PRKCH: variants seen among roughly 807,000 people sequenced by gnomAD.
PRKCH encodes the protein protein kinase C eta type.
Under a neutral mutation model 82.5 loss-of-function variants are expected in PRKCH, and 28 were observed. That is an observed-to-expected ratio of 0.34 (90% CI 0.25 to 0.47). The LOEUF (loss-of-function observed/expected upper bound fraction) is 0.47. Ranked by LOEUF, PRKCH falls within the 20% of genes least tolerant of loss-of-function variation. The pLI, the probability that PRKCH is intolerant of heterozygous loss-of-function variation, is 1.00. For missense variants in PRKCH, 705 were observed against 881.8 expected, an observed-to-expected ratio of 0.80 and a Z score of 2.54; for synonymous variants, 322 against 327.4, an observed-to-expected ratio of 0.98 and a Z score of 0.18.
chr14:61,210,754 TTCTCTCTCTCTCTCTCTC>T lies in PRKCH; in HGVS notation c.-19+23106_-19+23123del, dbSNP rs57385240. On this transcript the variant is annotated intron_variant, in intron 1 of 3. Transcript: ENST00000555185. ...TCACATTAAATAGGCCAAGAGTCCT[TTCTCTCTCTCTCTCTCTC>T]TCTCTCTCTCTCTCTCTCTGTGTGT... Among the ~76,000 whole-genome samples the T allele has an allele frequency of 8.5e-3, 1,221 of 144,392 alleles. 10 individuals are homozygous for T. The highest frequency in any genetic ancestry group is 0.013 in the African/African-American group (502 of 38,540). 94.7% of individuals were successfully genotyped at this position (144,392 alleles called of 152,430 possible).
At chr14:61,289,121 T>C (rs921022377) in intron 1 of PRKCH, among the ~76,000 whole-genome samples, 1 of 152,140 alleles carries the variant, frequency 6.6e-6, no homozygotes, top group African/African-American at 2.4e-5. Flanking sequence ...ACCTTGCAGG[T>C]GATACAGGCA....
At chr14:61,329,017 C>CTAGCT (rs1187715720) in intron 1 of PRKCH, among the ~76,000 whole-genome samples, 4 of 151,046 alleles carry the variant, frequency 2.6e-5, no homozygotes, top group Non-Finnish European at 5.9e-5. Context: ...AAACAGTCAA[C>CTAGCT]TAGATTGTGT....
chr14:61,536,000 A>G (rs1566933513), intron 12 of PRKCH, among the ~76,000 whole-genome samples: 1 of 152,354 alleles, frequency 6.6e-6, no homozygotes, highest in East Asian at 1.9e-4. Context: ...TGTATGAAGA[A>G]ACATTTCTAG....
chr14:61,249,522 CAAAAAA>C lies in PRKCH; in HGVS notation c.-19+61865_-19+61870del, dbSNP rs374942372. On this transcript the variant is annotated intron_variant, in intron 1 of 3. Coordinates refer to the PRKCH transcript ENST00000555185. ...TGCAAATTTGTAACGCGAAGCTTTC[CAAAAAA>C]AAAAAAAAAAGGGAAGTGTTGACAT... is the stretch of plus-strand genomic sequence containing the variant. 2.2e-4 allele frequency among the ~76,000 whole-genome samples: 27 copies of C among 121,266 alleles called. No individual in the cohort carries two copies. The East Asian group carries it at 5.8e-3, about 26-fold the overall frequency. 79.6% of individuals were successfully genotyped at this position (121,266 alleles called of 152,430 possible).
chr14:61,279,383 C>G (rs777873005), intron 1 of PRKCH: 1 of 152,218 alleles, frequency 6.6e-6, no homozygotes, highest in East Asian at 1.9e-4. Flanking sequence ...GAACAAATTA[C>G]TATCCGAAAA....
rs1555378083 is a variant in PRKCH at position 61,352,689 on chromosome 14, G to GGAAAGGAAAGGAAAGAAAGAAA, written c.363+30230_363+30231insGAAAGGAAAGAAAGAAAGAAAG. On this transcript the variant is annotated intron_variant, in intron 1 of 13. Transcript: ENST00000332981. ...GAGAGAGAGAGAGAGAGAAAGGAAA[G>GGAAAGGAAAGGAAAGAAAGAAA]GAAAGAAAGAAAGAAAGAAAGAAAG... Among the ~76,000 whole-genome samples, 3 of 126,546 alleles carry GGAAAGGAAAGGAAAGAAAGAAA rather than the reference G, an allele frequency of 2.4e-5. No homozygotes were observed. In the East Asian group the frequency reaches 6.8e-4, roughly 29 times the overall value. The allele number at this position is 126,546 out of a possible 152,430, so 83.0% of individuals were successfully genotyped here. A position where few individuals can be genotyped will look rare whatever the true frequency, so the allele number is the denominator to read the frequency against.
In PRKCH at chr14:61,257,629, A is replaced by C. The variant is rs552165047; in HGVS notation, c.-19+69961A>C. Among the ~76,000 whole-genome samples, 394 of 113,560 alleles carry C rather than the reference A, an allele frequency of 3.5e-3. 1 individual carries two copies. Among genetic ancestry groups the C allele is most frequent in the Non-Finnish European group, 5.6e-3 (307 of 54,722 alleles). 74.5% of individuals were successfully genotyped at this position (113,560 alleles called of 152,430 possible). A position where few individuals can be genotyped will look rare whatever the true frequency, so the allele number is the denominator to read the frequency against. On this transcript the variant is annotated intron_variant, in intron 1 of 3. Transcript: ENST00000555185. ...GACACACACACACACACACACACAC[A>C]CCCCCACACACACACACACACGCAT... is the stretch of plus-strand genomic sequence containing the variant.
chr14:61,441,849 G>A (rs1167405367), intron 2 of PRKCH, among the ~76,000 whole-genome samples: 1 of 151,158 alleles, frequency 6.6e-6, no homozygotes, highest in Non-Finnish European at 1.5e-5. Flanking sequence ...TGGGGCCTCA[G>A]TATATTGTCC....
At chr14:61,449,057 A>G in intron 4 of PRKCH, 107 bp from the exon 5 acceptor site, 1 of 975,294 alleles carries the variant, frequency 1.0e-6, no homozygotes, top group Non-Finnish European at 1.6e-6. Context: ...CAAGGGGGCC[A>G]GACGAGTCCA....
chr14:61,189,732 A>G (rs1414310168), intron 1 of PRKCH, among the ~76,000 whole-genome samples: 1 of 147,184 alleles, frequency 6.8e-6, no homozygotes, highest in African/African-American at 2.5e-5. Flanking sequence ...GCTTTCTTTT[A>G]GGAAGTTTGA....
intron 10 of PRKCH, among the ~76,000 whole-genome samples, chr14:61,511,441 G>C (rs1887369986): frequency 6.6e-6 from 1 of 152,158 alleles, no homozygotes; most frequent in Non-Finnish European, 1.5e-5. Context: ...TCAGATTGGG[G>C]CAGCCCCCCA....
intron 1 of PRKCH, among the ~76,000 whole-genome samples, chr14:61,220,292 G>C (rs1434968043): frequency 1.3e-5 from 2 of 152,192 alleles, no homozygotes; most frequent in Admixed American, 6.5e-5. Context: ...CCCAAGAGGG[G>C]AACTTTTTTG....
intron 1 of PRKCH, among the ~76,000 whole-genome samples, chr14:61,261,429 G>A (rs571890996): frequency 3.3e-5 from 5 of 152,208 alleles, no homozygotes; most frequent in East Asian, 3.9e-4. Context: ...CCCTACCATC[G>A]GTCACCCACC....
chr14:61,381,726 T>C (rs1004880686), intron 1 of PRKCH, among the ~76,000 whole-genome samples: 2 of 152,226 alleles, frequency 1.3e-5, no homozygotes, highest in Admixed American at 1.3e-4. Flanking sequence ...CCAGTGGCCT[T>C]GGCAGTGAGG....
At chr14:61,389,712 AAG>A (rs1491429939) in intron 1 of PRKCH, among the ~76,000 whole-genome samples, 2 of 151,868 alleles carry the variant, frequency 1.3e-5, no homozygotes, top group African/African-American at 4.8e-5. Flanking sequence ...AAAAAAAAAA[AAG>A]AGAAAAAATG....
chr14:61,467,696 C>T (rs558198859), intron 9 of PRKCH, among the ~76,000 whole-genome samples: 1 of 152,170 alleles, frequency 6.6e-6, no homozygotes, highest in Non-Finnish European at 1.5e-5. Context: ...TTGGTTGATT[C>T]CTGGGGACTG....
In PRKCH at chr14:61,487,070, TAGAG is replaced by T. The variant is rs1436874104; in HGVS notation, c.1433+1419_1433+1422del. The stretch of plus-strand genomic sequence containing the variant: ...GGAAGAGAACAAGTAGTAACTCTCT[TAGAG>T]AGAGTGCAGTAAGACTGGTGGGTGG... On this transcript the variant is annotated intron_variant, in intron 10 of 13. Transcript: ENST00000332981. 5.9e-5 allele frequency among the ~76,000 whole-genome samples: 9 copies of T among 152,240 alleles called. No homozygotes were observed. In the East Asian group the frequency reaches 9.6e-4, roughly 16 times the overall value.
chr14:61,398,467 G>T (rs1349194136), intron 2 of PRKCH, among the ~76,000 whole-genome samples: 1 of 152,166 alleles, frequency 6.6e-6, no homozygotes, highest in African/African-American at 2.4e-5. Flanking sequence ...GAAATATGGT[G>T]TAAGATTTTA....
intron 1 of PRKCH, among the ~76,000 whole-genome samples, chr14:61,329,667 C>T (rs577055630): frequency 4.6e-5 from 7 of 152,140 alleles, no homozygotes; most frequent in Non-Finnish European, 7.4e-5. Flanking sequence ...AGGAACACTT[C>T]GCTTTGCTAA....
Sources: gnomAD v4.1 joint callset for allele counts (sites outside exome capture counted in the v4.1 genomes callset) on GRCh38, gnomAD v4.1.1 for gene constraint, MANE v1.5 for transcripts, NCBI Gene and HGNC (gene_info 2026-07-23, HGNC 2026-07-21) for gene names.